Variants in MGAT5 observed in about 807,000 individuals in gnomAD.
MGAT5 encodes alpha-1,6-mannosylglycoprotein 6-beta-N-acetylglucosaminyltransferase A.
MGAT5 carries 30 observed loss-of-function variants against 94.3 expected under a neutral mutation model. The observed-to-expected ratio is 0.32, with a 90% confidence interval of 0.24 to 0.43. MGAT5 has a LOEUF of 0.43. Among genes scored for constraint, MGAT5 ranks in the 20% least tolerant of loss-of-function variants. The pLI, the probability that MGAT5 is intolerant of heterozygous loss-of-function variation, is 1.00. For synonymous variants in MGAT5, 310 were observed against 322.9 expected (o/e 0.96, Z 0.43); for missense variants, 691 against 905.5 (o/e 0.76, Z 3.04).
intron 1 of MGAT5, among the ~76,000 whole-genome samples, chr2:134,245,256 C>T (rs1169307079): frequency 6.6e-6 from 1 of 152,248 alleles, no homozygotes; most frequent in Admixed American, 6.5e-5. Flanking sequence ...TCGTGATCCG[C>T]CCCCTCGGCC....
intron 2 of MGAT5, among the ~76,000 whole-genome samples, chr2:134,273,733 GT>G (rs1684177031): frequency 6.6e-6 from 1 of 151,988 alleles, no homozygotes; most frequent in African/African-American, 2.4e-5. Context: ...ATCACCGAGG[GT>G]TTTTTAATGT....
At position 134,338,392 on chromosome 2, in the gene MGAT5, A is replaced by C. The variant is rs1172527919; in HGVS notation, c.779A>C (p.Gln260Pro). The change falls in exon 6 of 16, where the codon CAG (glutamine) becomes CCG (proline). Residue 260 changes from glutamine to proline, a missense_variant. Physicochemically the swap from Gln to Pro is moderately conservative, Grantham distance 76 (BLOSUM62 -1). This residue lies in a region of MGAT5 where 307 missense variants were observed against 335.4 expected (regional missense o/e 0.92). Transcript: ENST00000281923. ...GCAATCAAGTCCCTGGCAGAAAAGCAGAACCTTGAAAAGAGAAAGCGGAAG... is the reference window on the plus strand; with the variant it reads ...GCAATCAAGTCCCTGGCAGAAAAGCCGAACCTTGAAAAGAGAAAGCGGAAG... ...IQAIKSLAEK[Q>P]NLEKRKRKKV... 3 of 1,610,214 alleles carry C rather than the reference A, an allele frequency of 1.9e-6. No individual in the cohort carries two copies. Among genetic ancestry groups the C allele is most frequent in the Non-Finnish European group, 2.5e-6 (3 of 1,178,562 alleles).
intron 2 of MGAT5, 36 bp from the exon 3 acceptor site, chr2:134,317,493 C>T (rs1312854406): frequency 2.5e-5 from 36 of 1,431,526 alleles, no homozygotes; most frequent in Non-Finnish European, 3.2e-5. Flanking sequence ...TTTTATAGAT[C>T]TCATTGTATC....
At chr2:134,141,386 T>A (rs73005579) in intron 1 of MGAT5, among the ~76,000 whole-genome samples, 1 of 152,148 alleles carries the variant, frequency 6.6e-6, no homozygotes, top group African/African-American at 2.4e-5. Context: ...GTCTGTCTTA[T>A]TAGCTATTAT....
chr2:134,301,221 G>T (rs72978135), intron 2 of MGAT5, among the ~76,000 whole-genome samples: 4 of 152,068 alleles, frequency 2.6e-5, no homozygotes, highest in Non-Finnish European at 5.9e-5. Flanking sequence ...TTAAAAAATC[G>T]CAGAGCAGTA....
At chr2:134,120,819 G>C (rs1213733390) in intron 1 of MGAT5, among the ~76,000 whole-genome samples, 1 of 151,892 alleles carries the variant, frequency 6.6e-6, no homozygotes, top group Non-Finnish European at 1.5e-5. Flanking sequence ...CTGGCCCCGA[G>C]CCCCTAGGGA....
intron 1 of MGAT5, among the ~76,000 whole-genome samples, chr2:134,188,625 G>A (rs1239058397): frequency 3.9e-5 from 6 of 152,242 alleles, no homozygotes; most frequent in Admixed American, 2.6e-4. Flanking sequence ...TTGGACCTGA[G>A]TGTTGAACTG....
chr2:134,383,658 C>T (rs1419965876), intron 10 of MGAT5, among the ~76,000 whole-genome samples: 1 of 152,102 alleles, frequency 6.6e-6, no homozygotes, highest in Non-Finnish European at 1.5e-5. Flanking sequence ...AGTTCACAAA[C>T]TGCAGCCCAC....
At chr2:134,368,669 C>G (rs747882452) in intron 10 of MGAT5, among the ~76,000 whole-genome samples, 1 of 152,262 alleles carries the variant, frequency 6.6e-6, no homozygotes, top group Non-Finnish European at 1.5e-5. Flanking sequence ...CGTGCTACTC[C>G]TTTGCTCAGA....
intron 1 of MGAT5, among the ~76,000 whole-genome samples, chr2:134,199,472 C>T (rs1377139342): frequency 1.3e-5 from 2 of 151,138 alleles, no homozygotes; most frequent in Non-Finnish European, 2.9e-5. Flanking sequence ...TGGCTGCTGG[C>T]TGCAACTGTA....
intron 10 of MGAT5, among the ~76,000 whole-genome samples, chr2:134,381,382 T>TAAAATAAGA (rs1553457734): frequency 9.2e-6 from 1 of 108,512 alleles, no homozygotes; most frequent in Non-Finnish European, 2.0e-5. Context: ...ATAAGATAGA[T>TAAAATAAGA]TAGATAGATA....
chr2:134,446,528 C>G lies in MGAT5; in HGVS notation c.2028-2121C>G, dbSNP rs182540310. ...AGAATTGAGTTCCAGATATTTTTCT[C>G]TCTGTTGTCCAGCTGAGGTATTCTG... On this transcript the variant is annotated intron_variant, in intron 15 of 15. Transcript: ENST00000281923. Among the ~76,000 whole-genome samples the G allele has an allele frequency of 6.2e-4, 94 of 152,300 alleles. 1 individual carries two copies. In the Middle Eastern group the frequency reaches 0.014, roughly 22 times the overall value.
intron 1 of MGAT5, among the ~76,000 whole-genome samples, chr2:134,201,910 T>C (rs1483706818): frequency 1.3e-5 from 2 of 148,196 alleles, no homozygotes; most frequent in African/African-American, 5.0e-5. Context: ...GGCTCCATGC[T>C]AATATGTAGT....
At chr2:134,411,872 G>A (rs907652572) in intron 11 of MGAT5, among the ~76,000 whole-genome samples, 2 of 152,214 alleles carry the variant, frequency 1.3e-5, no homozygotes, top group Non-Finnish European at 2.9e-5. Flanking sequence ...AGGTAAGGAC[G>A]CCCTGGGGCC....
intron 14 of MGAT5, among the ~76,000 whole-genome samples, chr2:134,435,999 T>C (rs1253392963): frequency 6.6e-6 from 1 of 152,232 alleles, no homozygotes; most frequent in Non-Finnish European, 1.5e-5. Context: ...ATCTTGTGGA[T>C]GTAGGTGAAT....
chr2:134,420,137 G>T (rs1163191245), intron 12 of MGAT5, among the ~76,000 whole-genome samples: 1 of 152,126 alleles, frequency 6.6e-6, no homozygotes, highest in Non-Finnish European at 1.5e-5. Flanking sequence ...TAGATTTGAA[G>T]TTGGCTCTTC....
At chr2:134,328,701 T>C (rs1687784154) in intron 4 of MGAT5, among the ~76,000 whole-genome samples, 1 of 151,872 alleles carries the variant, frequency 6.6e-6, no homozygotes, top group African/African-American at 2.4e-5. Context: ...ACAGATGAGG[T>C]TTCTGTCCTC....
Position 134,127,525 on chromosome 2 carries a change from C to A in MGAT5, c.-143+7234C>A, listed in dbSNP as rs565793190. On this transcript the variant is annotated intron_variant, in intron 1 of 16. Transcript: ENST00000409645. ...CCCCCCCAGGCTTGTTCCAACCCCC[C>A]CAAAACAAAAAAAGAAACATGTAGG... 5.3e-5 allele frequency among the ~76,000 whole-genome samples: 7 copies of A among 132,038 alleles called. No individual in the cohort carries two copies. In the Admixed American group the frequency reaches 5.9e-4, roughly 11 times the overall value. The allele number at this position is 132,038 out of a possible 152,430, so 86.6% of individuals were successfully genotyped here. A position where few individuals can be genotyped will look rare whatever the true frequency, so the allele number is the denominator to read the frequency against.
At chr2:134,130,856 A>G (rs1245486967) in intron 1 of MGAT5, among the ~76,000 whole-genome samples, 1 of 152,174 alleles carries the variant, frequency 6.6e-6, no homozygotes, top group Non-Finnish European at 1.5e-5. Flanking sequence ...GACTTGGAGA[A>G]CTTTTGTGTC....
Sources: allele counts gnomAD v4.1 joint callset (sites outside exome capture counted in the v4.1 genomes callset), GRCh38; gene constraint gnomAD v4.1.1; regional missense constraint gnomAD v4.1.1; transcripts MANE v1.5; gene names NCBI Gene and HGNC (gene_info 2026-07-23, HGNC 2026-07-21).